Variants in GALNT10 observed in about 807,000 individuals in gnomAD.
GALNT10 encodes polypeptide N-acetylgalactosaminyltransferase 10.
Under a neutral mutation model 75.0 loss-of-function variants are expected in GALNT10, and 41 were observed. The observed-to-expected ratio is 0.55, with a 90% CI of 0.43 to 0.71. The LOEUF (loss-of-function observed/expected upper bound fraction) is 0.71. Among genes scored for constraint, GALNT10 ranks in the 30% least tolerant of loss-of-function variants. The probability of loss-of-function intolerance (pLI) is 0.00; values close to 1 mark genes in which losing one functional copy is unlikely to be tolerated. For synonymous variants in GALNT10, 302 were observed against 313.0 expected (o/e 0.96, Z 0.37); for missense variants, 727 against 818.5 (o/e 0.89, Z 1.36).
At chr5:154,280,791 A>C (rs900551075) in intron 1 of GALNT10, among the ~76,000 whole-genome samples, 2 of 152,178 alleles carry the variant, frequency 1.3e-5, no homozygotes, top group African/African-American at 4.8e-5. Context: ...ATCTATTTCA[A>C]GTTTATATCA....
rs573706277 is a variant in GALNT10 at position 154,295,506 on chromosome 5, C to T, written c.262+588C>T. ...GAGGGCAGAGTTGATTCCTACCTAA[C>T]ACTGCAGCCATGAGACTGAGTCAAC... On this transcript the variant is annotated intron_variant, in intron 2 of 11. Coordinates refer to ENST00000297107, the MANE Select transcript of GALNT10 (RefSeq NM_198321.4). Among the ~76,000 whole-genome samples the T allele has an allele frequency of 2.0e-4, 31 of 152,324 alleles. 1 individual carries two copies. The highest frequency in any genetic ancestry group is 7.2e-4 in the African/African-American group (30 of 41,574).
chr5:154,344,066 T>G (rs115214418), intron 4 of GALNT10, among the ~76,000 whole-genome samples: 1 of 152,176 alleles, frequency 6.6e-6, no homozygotes, highest in Non-Finnish European at 1.5e-5. Flanking sequence ...TACATTAGAA[T>G]CACGCTCCTT....
chr5:154,258,840 C>T (rs1045772135), intron 1 of GALNT10, among the ~76,000 whole-genome samples: 6 of 152,048 alleles, frequency 3.9e-5, no homozygotes, highest in African/African-American at 1.4e-4. Context: ...AAAGGCCAAT[C>T]CAAACAAAAG....
chr5:154,254,260 T>A (rs1753573230), intron 1 of GALNT10, among the ~76,000 whole-genome samples: 1 of 152,180 alleles, frequency 6.6e-6, no homozygotes, highest in African/African-American at 2.4e-5. Context: ...TTTCTATGTT[T>A]GCTTTGTGTG....
intron 1 of GALNT10, among the ~76,000 whole-genome samples, chr5:154,253,541 A>G (rs1305101398): frequency 1.3e-5 from 2 of 152,118 alleles, no homozygotes; most frequent in African/African-American, 4.8e-5. Flanking sequence ...ATAATAATTA[A>G]AAAAAGAAAA....
chr5:154,312,654 TC>T (rs980546129), intron 3 of GALNT10, among the ~76,000 whole-genome samples: 1 of 152,248 alleles, frequency 6.6e-6, no homozygotes, highest in African/African-American at 2.4e-5. Flanking sequence ...ACAGGTCATT[TC>T]CAGGTCCTTG....
intron 1 of GALNT10, among the ~76,000 whole-genome samples, chr5:154,206,726 G>A (rs928011252): frequency 6.6e-6 from 1 of 152,236 alleles, no homozygotes; most frequent in Non-Finnish European, 1.5e-5. Context: ...GAAACTTCAC[G>A]TGTCTGTTAG....
intron 3 of GALNT10, among the ~76,000 whole-genome samples, chr5:154,318,801 A>G (rs973933218): frequency 5.3e-5 from 8 of 152,048 alleles, no homozygotes; most frequent in Non-Finnish European, 5.9e-5. Flanking sequence ...TCACTATTTC[A>G]ATGTGTGTCA....
chr5:154,338,411 C>A, intron 4 of GALNT10: 1 of 399,536 alleles, frequency 2.5e-6, no homozygotes, highest in South Asian at 2.2e-5. Flanking sequence ...TGAAAAGTGT[C>A]CTCAGCTGCT....
At position 154,352,957 on chromosome 5, in the gene GALNT10, G is replaced by A. The variant is rs1348818970; in HGVS notation, c.568+23219G>A. ...GTCTCAAGCTCTGTGTCATCCGAAG[G>A]TGAACTTGGATCCAGGAATCCTCAC... On this transcript the variant is annotated intron_variant, in intron 4 of 11. Transcript: ENST00000297107. This position sits in a 1 kb window ranked among gnomAD's most constrained non-coding sequence, Gnocchi z 4.4. 6.6e-6 allele frequency among the ~76,000 whole-genome samples: 1 copy of A among 152,134 alleles called. No individual in the cohort carries two copies. Among genetic ancestry groups the A allele is most frequent in the Non-Finnish European group, 1.5e-5 (1 of 68,020 alleles).
intron 1 of GALNT10, among the ~76,000 whole-genome samples, chr5:154,198,835 A>G (rs1774984048): frequency 6.6e-6 from 1 of 152,200 alleles, no homozygotes; most frequent in African/African-American, 2.4e-5. Context: ...GAGGCCCTCT[A>G]GAAGATTTCT....
intron 4 of GALNT10, among the ~76,000 whole-genome samples, chr5:154,370,355 A>T (rs1755546812): frequency 6.6e-6 from 1 of 152,228 alleles, no homozygotes. Flanking sequence ...ATGCAGGGTA[A>T]TCTGAGCTGA....
At chr5:154,367,599 A>C (rs2113162390) in intron 4 of GALNT10, among the ~76,000 whole-genome samples, 1 of 152,296 alleles carries the variant, frequency 6.6e-6, no homozygotes, top group African/African-American at 2.4e-5. Flanking sequence ...TCACACCTGT[A>C]ATCCCAGCAC....
At chr5:154,321,994 T>G (rs1754683530) in intron 3 of GALNT10, among the ~76,000 whole-genome samples, 1 of 152,230 alleles carries the variant, frequency 6.6e-6, no homozygotes, top group African/African-American at 2.4e-5. Context: ...CAAGGACGAC[T>G]CCTCGTGTAT....
intron 4 of GALNT10, among the ~76,000 whole-genome samples, chr5:154,369,512 C>T (rs778741691): frequency 2.6e-5 from 4 of 152,106 alleles, no homozygotes; most frequent in Non-Finnish European, 5.9e-5. Flanking sequence ...GAGGGCCCAC[C>T]TCATCTTAAC....
In GALNT10 at chr5:154,419,415, T is replaced by A. The variant is rs1227031093; in HGVS notation, c.*2443T>A. The A allele has an allele frequency of 6.6e-6, 1 of 152,110 alleles. No individual in the cohort carries two copies. The highest frequency in any genetic ancestry group is 1.5e-5 in the Non-Finnish European group (1 of 68,086). 9.4% of individuals were successfully genotyped at this position (152,110 alleles called of 1,614,324 possible). Reference sequence around the variant, plus strand: ...TGTTTCTCACCATTGGGTTAAGGGGTGCCGAGCACTAGCTAGACTTCCACA... The same window carrying A: ...TGTTTCTCACCATTGGGTTAAGGGGAGCCGAGCACTAGCTAGACTTCCACA... On this transcript the variant is annotated 3_prime_UTR_variant, in exon 12 of 12. Coordinates refer to ENST00000297107, the MANE Select transcript of GALNT10 (RefSeq NM_198321.4).
At chr5:154,347,012 C>A in intron 4 of GALNT10, 1 of 330,202 alleles carries the variant, frequency 3.0e-6, no homozygotes, top group Non-Finnish European at 6.2e-6. Context: ...CTTTTTCTTT[C>A]ATCCTCCTTT....
At chr5:154,242,947 A>C (rs1477939167) in intron 1 of GALNT10, among the ~76,000 whole-genome samples, 2 of 152,166 alleles carry the variant, frequency 1.3e-5, no homozygotes, top group Non-Finnish European at 2.9e-5. Flanking sequence ...TGATTCTGCA[A>C]AGCTTAAATT....
chr5:154,209,953 T>A (rs1775169456), intron 1 of GALNT10, among the ~76,000 whole-genome samples: 1 of 152,166 alleles, frequency 6.6e-6, no homozygotes, highest in Non-Finnish European at 1.5e-5. Context: ...AAATCAAGAC[T>A]ATAAATAGCC....
Sources: gnomAD v4.1 joint callset for allele counts (sites outside exome capture counted in the v4.1 genomes callset) on GRCh38, gnomAD v4.1.1 for gene constraint, Gnocchi (gnomAD v3.1) non-coding constraint, MANE v1.5 for transcripts, NCBI Gene and HGNC (gene_info 2026-07-23, HGNC 2026-07-21) for gene names.